DNAH12: variants seen among roughly 807,000 people sequenced by gnomAD.
DNAH12 encodes axonemal beta dynein heavy chain 12.
A neutral mutation model predicts 371.5 loss-of-function variants in DNAH12; 285 were observed. The ratio of observed to expected loss-of-function variants is 0.77; its 90% confidence interval spans 0.70 to 0.85. DNAH12 has a LOEUF of 0.85. DNAH12 is among the 40% of genes least tolerant of loss of function. DNAH12 has a pLI of 0.00. For missense variants in DNAH12, 3,611 were observed against 3,689.4 expected (o/e 0.98, Z 0.55); for synonymous variants, 1,200 against 1,213.0 (o/e 0.99, Z 0.22).
chr3:57,384,549 T>C (rs1190739084), intron 49 of DNAH12, among the ~76,000 whole-genome samples: 1 of 151,868 alleles, frequency 6.6e-6, no homozygotes, highest in Admixed American at 6.6e-5. Flanking sequence ...GAGGCTAAGG[T>C]AGGAGAATCA....
At position 57,428,882 on chromosome 3, in the gene DNAH12, T is replaced by C. The variant is rs2064866632; in HGVS notation, c.5065-61A>G. 6 of 1,425,218 alleles carry C rather than the reference T, an allele frequency of 4.2e-6. No individual in the cohort carries two copies. In the South Asian group the frequency reaches 4.5e-5, roughly 11 times the overall value. 88.3% of individuals were successfully genotyped at this position (1,425,218 alleles called of 1,614,324 possible). A position where few individuals can be genotyped will look rare whatever the true frequency, so the allele number is the denominator to read the frequency against. ...TTATACCAGTGGCACCTGGCAATTA[T>C]CAACTATTTCTTAAGATGACTTATG... On this transcript the variant is annotated intron_variant, in intron 33 of 73. Transcript: ENST00000495027.
chr3:57,528,895 GT>G (rs1261627403), intron 2 of DNAH12, among the ~76,000 whole-genome samples: 2 of 151,698 alleles, frequency 1.3e-5, no homozygotes, highest in Admixed American at 6.6e-5. Flanking sequence ...TGCCATCTGG[GT>G]TCTAAGCAAT....
At chr3:57,329,649 T>C (rs1258757495) in intron 62 of DNAH12, among the ~76,000 whole-genome samples, 180 of 147,230 alleles carry the variant, frequency 1.2e-3, no homozygotes, top group Non-Finnish European at 2.1e-3. Flanking sequence ...GACATAGGCA[T>C]GGTCAAGGAC....
chr3:57,339,071 C>T lies in DNAH12; in HGVS notation c.9675-4131G>A, dbSNP rs577461000. 2.0e-5 allele frequency among the ~76,000 whole-genome samples: 3 copies of T among 152,236 alleles called. No homozygotes were observed. The East Asian group carries it at 5.8e-4, about 29-fold the overall frequency. ...GCCTTGGGCTGCTGTTAATCTATAA[C>T]CTTACCCCCAACCCCGTGCTCTCTG... On this transcript the variant is annotated intron_variant, in intron 60 of 73. Transcript: ENST00000495027.
intron 8 of DNAH12, among the ~76,000 whole-genome samples, chr3:57,506,975 T>C (rs769284835): frequency 3.4e-4 from 52 of 151,560 alleles, no homozygotes; most frequent in Non-Finnish European, 6.5e-4. Flanking sequence ...CTTAAGAGGG[T>C]AAAGGTAGAA....
At position 57,413,792 on chromosome 3, in the gene DNAH12, G is replaced by A. The variant is rs1281491609; in HGVS notation, c.5974C>T (p.Gln1992Ter). 1.3e-6 allele frequency: 2 copies of A among 1,550,964 alleles called. No homozygotes were observed. The highest frequency in any genetic ancestry group is 1.7e-6 in the Non-Finnish European group (2 of 1,146,754). Reference protein sequence around the residue: ...NMPALEKYGAQPPIELLRQFF... With the variant: ...NMPALEKYGA ...TGTCGTAATAATTCAATAGGTGGTTGAGCTCCATACTTCTCCAATGCAGGC... is the reference window on the plus strand; with the variant it reads ...TGTCGTAATAATTCAATAGGTGGTTAAGCTCCATACTTCTCCAATGCAGGC... The change falls in exon 39 of 74, where the codon CAA (glutamine) becomes TAA (stop). Residue 1992 changes from glutamine to a stop codon, truncating the protein, a stop_gained. Transcript: ENST00000495027. LOFTEE classifies it high-confidence loss of function.
At chr3:57,549,379 T>C in the DNAH12 span, among the ~76,000 whole-genome samples, 1 of 151,476 alleles carries the variant, frequency 6.6e-6, no homozygotes. Flanking sequence ...TAGCCAGGCA[T>C]GGTGGTGCGC....
At chr3:57,536,611 C>T (rs531322400) in intron 2 of DNAH12, among the ~76,000 whole-genome samples, 11 of 152,170 alleles carry the variant, frequency 7.2e-5, no homozygotes, top group South Asian at 6.2e-4. Context: ...ATCTTCAAGA[C>T]GTTGGCCAGG....
intron 34 of DNAH12, among the ~76,000 whole-genome samples, chr3:57,426,961 A>G (rs781214782): frequency 1.3e-5 from 2 of 152,116 alleles, no homozygotes; most frequent in African/African-American, 2.4e-5. Flanking sequence ...TTTTAAAACT[A>G]TAAGGGACTT....
intron 13 of DNAH12, among the ~76,000 whole-genome samples, chr3:57,481,430 C>G (rs1434883204): frequency 6.6e-6 from 1 of 151,992 alleles, no homozygotes; most frequent in African/African-American, 2.4e-5. Context: ...AGGATACAAA[C>G]AAATGGAAGA....
At position 57,296,469 on chromosome 3, in the gene DNAH12, C is replaced by T. The variant is rs1313196374; in HGVS notation, c.11533-34G>A. ...ATAGGCACACACTAGCAGTGATCCTCTCCAGACAACTTCATCTCATAAAGA... is the reference window on the plus strand; with the variant it reads ...ATAGGCACACACTAGCAGTGATCCTTTCCAGACAACTTCATCTCATAAAGA... On this transcript the variant is annotated intron_variant, in intron 71 of 73. Transcript: ENST00000495027. 6.9e-6 allele frequency: 10 copies of T among 1,449,870 alleles called. No individual in the cohort carries two copies. The Admixed American group carries it at 1.4e-4, about 21-fold the overall frequency. 89.8% of individuals were successfully genotyped at this position (1,449,870 alleles called of 1,614,324 possible). A position where few individuals can be genotyped will look rare whatever the true frequency, so the allele number is the denominator to read the frequency against.
At chr3:57,481,028 T>G (rs975294328) in intron 13 of DNAH12, among the ~76,000 whole-genome samples, 1 of 152,092 alleles carries the variant, frequency 6.6e-6, no homozygotes, top group Admixed American at 6.6e-5. Flanking sequence ...GATGCCCTCT[T>G]TCACCACTCC....
intron 66 of DNAH12, among the ~76,000 whole-genome samples, chr3:57,311,473 AGAC>A (rs1229243218): frequency 2.0e-5 from 3 of 152,272 alleles, no homozygotes; most frequent in African/African-American, 4.8e-5. Flanking sequence ...TAATAAAAAA[AGAC>A]GACATGGAAA....
Position 57,453,319 on chromosome 3 carries a change from T to C in DNAH12, c.3541A>G (p.Arg1181Gly), listed in dbSNP as rs1225984384. 1 of 1,551,316 alleles carries C rather than the reference T, an allele frequency of 6.4e-7. No homozygotes were observed. The highest frequency in any genetic ancestry group is 1.4e-5 in the African/African-American group (1 of 73,036). Residue 1181 changes from arginine (R) to glycine (G), a missense_variant, in exon 24 of 74, where the codon AGG becomes GGG. Arg to Gly is a moderately radical substitution (Grantham distance 125). Coordinates refer to ENST00000495027, the MANE Select transcript of DNAH12 (RefSeq NM_001366028.2). ...LVRGKLSKQT[R>G]TTLGALVTID... ...GTAACCAAAGCCCCCAGAGTGGTCC[T>C]GGTCTGCTTAGACAACTTTCCTCTT...
chr3:57,393,969 G>A (rs2063686125), intron 44 of DNAH12, among the ~76,000 whole-genome samples: 1 of 151,958 alleles, frequency 6.6e-6, no homozygotes, highest in Non-Finnish European at 1.5e-5. Flanking sequence ...ATGAAGATAG[G>A]AGTTATAAAA....
chr3:57,415,624 C>CT, intron 37 of DNAH12, 60 bp from the exon 38 acceptor site: 1 of 1,460,632 alleles, frequency 6.8e-7, no homozygotes, highest in East Asian at 2.5e-5. Context: ...TACATTTCTA[C>CT]TAAAGGAGGC....
At chr3:57,500,001 CTT>C (rs1235504747) in intron 11 of DNAH12, among the ~76,000 whole-genome samples, 4 of 150,764 alleles carry the variant, frequency 2.7e-5, no homozygotes, top group African/African-American at 7.3e-5. Flanking sequence ...AGGTAGGAAT[CTT>C]TTTTCTTTCA....
At chr3:57,513,709 C>A (rs1305630347) in intron 4 of DNAH12, among the ~76,000 whole-genome samples, 1 of 152,064 alleles carries the variant, frequency 6.6e-6, no homozygotes, top group Non-Finnish European at 1.5e-5. Flanking sequence ...AACGTATAAT[C>A]TTATTCATAA....
intron 58 of DNAH12, among the ~76,000 whole-genome samples, chr3:57,362,731 T>C (rs1001964577): frequency 6.6e-6 from 1 of 152,214 alleles, no homozygotes; most frequent in Non-Finnish European, 1.5e-5. Context: ...TTTTTTCTTG[T>C]AAATTTGTTT....
Sources: allele counts gnomAD v4.1 joint callset (sites outside exome capture counted in the v4.1 genomes callset), GRCh38; gene constraint gnomAD v4.1.1; transcripts MANE v1.5; gene names NCBI Gene and HGNC (gene_info 2026-07-23, HGNC 2026-07-21).